Variants in PANX2 observed in about 807,000 individuals in gnomAD.
PANX2 encodes pannexin-2.
Under a neutral mutation model 38.7 loss-of-function variants are expected in PANX2, and 30 were observed. The observed-to-expected ratio is 0.78, with a 90% CI of 0.58 to 1.05. The LOEUF (loss-of-function observed/expected upper bound fraction) is 1.05. Among genes scored for constraint, PANX2 ranks in the 50% least tolerant of loss-of-function variants. The probability of loss-of-function intolerance (pLI) is 0.00; values close to 1 mark genes in which losing one functional copy is unlikely to be tolerated. For missense variants in PANX2, 880 were observed against 979.3 expected, an observed-to-expected ratio of 0.90 and a Z score of 1.35; for synonymous variants, 539 against 472.1, an observed-to-expected ratio of 1.14 and a Z score of -1.84.
At chr22:50,173,684 G>C (rs1038232049) in intron 1 of PANX2, among the ~76,000 whole-genome samples, 2 of 152,236 alleles carry the variant, frequency 1.3e-5, no homozygotes. Context: ...AGCCAGATGC[G>C]AGTCTCATGG....
Position 50,170,787 on chromosome 22 carries a change from G to C in PANX2, c.57G>C (p.Glu19Asp), listed in dbSNP as rs775720109. 1.4e-6 allele frequency: 2 copies of C among 1,416,002 alleles called. No individual in the cohort carries two copies. The highest frequency in any genetic ancestry group is 1.5e-5 in the South Asian group (1 of 68,822). 87.7% of individuals were successfully genotyped at this position (1,416,002 alleles called of 1,614,324 possible). A position where few individuals can be genotyped will look rare whatever the true frequency, so the allele number is the denominator to read the frequency against. ...ADMATALLAG[E>D]KLRELILPGA... ...TGGCGACCGCGCTGCTGGCGGGAGA[G>C]AAGCTGCGGGAGCTGATCCTGCCGG... The change falls in exon 1 of 3, where the codon GAG (glutamate) becomes GAC (aspartate). Residue 19 changes from glutamate (E) to aspartate (D), a missense_variant. Physicochemically the swap from Glu to Asp is conservative, Grantham distance 45. This residue lies in a region of PANX2 where 243 missense variants were observed against 333.1 expected (regional missense o/e 0.73). Coordinates refer to ENST00000395842, the MANE Select transcript of PANX2 (RefSeq NM_052839.4).
chr22:50,179,459 C>G lies in PANX2; in HGVS notation c.*182C>G. The G allele has an allele frequency of 1.7e-6, 1 of 596,488 alleles. No homozygotes were observed. Among genetic ancestry groups the G allele is most frequent in the South Asian group, 2.1e-5 (1 of 48,274 alleles). 36.9% of individuals were successfully genotyped at this position (596,488 alleles called of 1,614,324 possible). On this transcript the variant is annotated 3_prime_UTR_variant, in exon 3 of 3. Transcript: ENST00000395842. ...CCACGTGCTCGACAGGGGAACCCGC[C>G]CGGACGGCATCGCCAGGCACTGGCT...
In PANX2 at chr22:50,178,924, C is replaced by A; in HGVS notation, c.1691-10C>A. On this transcript the variant is annotated splice_polypyrimidine_tract_variant and intron_variant, in intron 2 of 2. Coordinates refer to ENST00000395842, the MANE Select transcript of PANX2 (RefSeq NM_052839.4). ...TGGTGTGAGATGTCTGTGCTCTTGGCTGTTTGCAGATGCTCCGCTCCCCGA... is the reference window on the plus strand; with the variant it reads ...TGGTGTGAGATGTCTGTGCTCTTGGATGTTTGCAGATGCTCCGCTCCCCGA... 1 of 1,555,534 alleles carries A rather than the reference C, an allele frequency of 6.4e-7. No individual in the cohort carries two copies. The highest frequency in any genetic ancestry group is 8.7e-7 in the Non-Finnish European group (1 of 1,149,172).
At chr22:50,171,560 C>T (rs919035115) in intron 1 of PANX2, among the ~76,000 whole-genome samples, 1 of 152,014 alleles carries the variant, frequency 6.6e-6, no homozygotes, top group Non-Finnish European at 1.5e-5. Context: ...GGAGCTCCTG[C>T]AGGGAGATGG....
Position 50,176,917 on chromosome 22 carries a change from C to A in PANX2, c.227-22C>A, listed in dbSNP as rs780499384. On this transcript the variant is annotated intron_variant, in intron 1 of 2. Transcript: ENST00000395842. Reference sequence around the variant, plus strand: ...GCCCGTGCGCCTCCCCGCCCCAGCCCGTGTCTCCTCTTTGCCCCCAGAGGA... The same window carrying A: ...GCCCGTGCGCCTCCCCGCCCCAGCCAGTGTCTCCTCTTTGCCCCCAGAGGA... 8.6e-6 allele frequency: 13 copies of A among 1,506,898 alleles called. 1 individual carries two copies. In the South Asian group the frequency reaches 1.7e-4, roughly 20 times the overall value. The allele number at this position is 1,506,898 out of a possible 1,614,324, so 93.3% of individuals were successfully genotyped here. A position where few individuals can be genotyped will look rare whatever the true frequency, so the allele number is the denominator to read the frequency against.
intron 1 of PANX2, among the ~76,000 whole-genome samples, chr22:50,173,823 C>T (rs2063648122): frequency 6.6e-6 from 1 of 152,196 alleles, no homozygotes; most frequent in Non-Finnish European, 1.5e-5. Context: ...GGCTGCGTGG[C>T]GTTCTCTCTC....
intron 1 of PANX2, among the ~76,000 whole-genome samples, chr22:50,172,125 C>G (rs112912786): frequency 9.9e-5 from 15 of 152,196 alleles, no homozygotes; most frequent in Non-Finnish European, 2.2e-4. Context: ...CCCAGGCGTG[C>G]GGTGGGGCCT....
Position 50,178,524 on chromosome 22 carries a change from C to T in PANX2, c.1690+122C>T, listed in dbSNP as rs985426552. On this transcript the variant is annotated intron_variant, in intron 2 of 2. Transcript: ENST00000395842. ...AAGGGAGGGGGCCTGGCTTGAGGCC[C>T]CCTCAAAGGGGGAAGGGAGGAGGCC... 3 of 628,082 alleles carry T rather than the reference C, an allele frequency of 4.8e-6. No homozygotes were observed. In the African/African-American group the frequency reaches 5.9e-5, roughly 12 times the overall value. 38.9% of individuals were successfully genotyped at this position (628,082 alleles called of 1,614,324 possible). A position where few individuals can be genotyped will look rare whatever the true frequency, so the allele number is the denominator to read the frequency against.
Position 50,178,999 on chromosome 22 carries a change from G to A in PANX2, c.1756G>A (p.Gly586Arg), listed in dbSNP as rs1424638627. The change falls in exon 3 of 3, where the codon GGG becomes AGG. Residue 586 changes from glycine to arginine, a missense_variant. Transcript: ENST00000395842. ...TEPARAGLPS[G>R]GPFHVRSPPA... Reference sequence around the variant, plus strand: ...GCCAGCCCGGGCAGGGCTTCCCTCGGGGGGCCCGTTCCACGTCCGCTCACC... The same window carrying A: ...GCCAGCCCGGGCAGGGCTTCCCTCGAGGGGCCCGTTCCACGTCCGCTCACC... 2 of 1,609,428 alleles carry A rather than the reference G, an allele frequency of 1.2e-6. No homozygotes were observed. Among genetic ancestry groups the A allele is most frequent in the Non-Finnish European group, 1.7e-6 (2 of 1,178,074 alleles).
Position 50,177,864 on chromosome 22 carries a change from G to A in PANX2, c.1152G>A (p.Ala384=). 2 of 1,568,846 alleles carry A rather than the reference G, an allele frequency of 1.3e-6. No individual in the cohort carries two copies. Among genetic ancestry groups the A allele is most frequent in the South Asian group, 1.1e-5 (1 of 88,350 alleles). The change falls in exon 2 of 3, where the codon GCG becomes GCA. Residue 384 remains alanine (A), a synonymous_variant. Coordinates refer to ENST00000395842, the MANE Select transcript of PANX2 (RefSeq NM_052839.4). ...MYDNVVRQLL[A]ALAQSNHDAT... ...ACAACGTGGTCCGGCAGCTGCTGGC[G>A]GCGCTGGCGCAGTCCAACCACGACG...
chr22:50,174,797 C>G (rs1315832024), intron 1 of PANX2, among the ~76,000 whole-genome samples: 1 of 152,162 alleles, frequency 6.6e-6, no homozygotes, highest in Non-Finnish European at 1.5e-5. Context: ...AGCAGCCCCT[C>G]TCTGCTGCCC....
In PANX2 at chr22:50,177,198, C is replaced by G; in HGVS notation, c.486C>G (p.Asp162Glu). 6.2e-7 allele frequency: 1 copy of G among 1,610,700 alleles called. No individual in the cohort carries two copies. Among genetic ancestry groups the G allele is most frequent in the Non-Finnish European group, 8.5e-7 (1 of 1,179,010 alleles). The change falls in exon 2 of 3, where the codon GAC becomes GAG. Residue 162 changes from aspartate (D) to glutamate (E), a missense_variant. This residue lies in a region of PANX2 where 243 missense variants were observed against 333.1 expected (regional missense o/e 0.73). Coordinates refer to ENST00000395842, the MANE Select transcript of PANX2 (RefSeq NM_052839.4). The stretch of plus-strand genomic sequence containing the variant: ...TCAACTTCCTGCTGCAGGAGATCGA[C>G]AACTGTTACCACCGGGCGGCCGAGG... ...SELNFLLQEI[D>E]NCYHRAAEGR...
intron 2 of PANX2, 27 bp downstream of exon 2, chr22:50,178,429 CG>C: frequency 9.2e-7 from 1 of 1,087,176 alleles, no homozygotes; most frequent in Non-Finnish European, 1.2e-6. Flanking sequence ...AGAGAGGGGA[CG>C]GGGGACTGGG....
At chr22:50,175,621 C>T in intron 1 of PANX2, 2 of 358,014 alleles carry the variant, frequency 5.6e-6, no homozygotes, top group South Asian at 4.5e-5. Flanking sequence ...CTTTTCCTGC[C>T]TCTTCCCAGG....
At chr22:50,170,993 G>T (rs2063626641) in intron 1 of PANX2, 37 bp downstream of exon 1, 25 of 1,226,138 alleles carry the variant, frequency 2.0e-5, no homozygotes, top group Non-Finnish European at 2.8e-5. Context: ...CGCGGGCAGA[G>T]GGGGCGTCCG....
intron 1 of PANX2, among the ~76,000 whole-genome samples, chr22:50,176,330 C>G (rs993205291): frequency 6.6e-6 from 1 of 152,272 alleles, no homozygotes; most frequent in Non-Finnish European, 1.5e-5. Flanking sequence ...CAGCTGGTGA[C>G]ATCCCCAACC....
At chr22:50,176,094 C>T (rs1007149554) in intron 1 of PANX2, among the ~76,000 whole-genome samples, 1 of 152,178 alleles carries the variant, frequency 6.6e-6, no homozygotes, top group Admixed American at 6.5e-5. Context: ...TGGCTGGAGG[C>T]CCCCAGGCTC....
At position 50,177,442 on chromosome 22, in the gene PANX2, T is replaced by C. The variant is rs762227311; in HGVS notation, c.730T>C (p.Tyr244His). 1.2e-6 allele frequency: 2 copies of C among 1,608,746 alleles called. No homozygotes were observed. Among genetic ancestry groups the C allele is most frequent in the Admixed American group, 3.4e-5 (2 of 59,346 alleles). ...ILLLSAVPIS[Y>H]LCTYYATQKQ... Reference sequence around the variant, plus strand: ...GCTGCTGAGCGCCGTGCCCATCTCCTACCTGTGCACCTACTACGCCACGCA... The same window carrying C: ...GCTGCTGAGCGCCGTGCCCATCTCCCACCTGTGCACCTACTACGCCACGCA... Residue 244 changes from tyrosine to histidine, a missense_variant, in exon 2 of 3, where the codon TAC (tyrosine) becomes CAC (histidine). Tyr to His is a moderately conservative substitution (Grantham distance 83, BLOSUM62 2). This residue lies in a region of PANX2 where 114 missense variants were observed against 108.8 expected (regional missense o/e 1.05). Coordinates refer to ENST00000395842, the MANE Select transcript of PANX2 (RefSeq NM_052839.4).
At chr22:50,176,464 A>C (rs913289191) in intron 1 of PANX2, among the ~76,000 whole-genome samples, 4 of 151,936 alleles carry the variant, frequency 2.6e-5, no homozygotes, top group African/African-American at 9.7e-5. Context: ...TGTGGAAACC[A>C]CCCTGCCAGC....
Sources: allele counts gnomAD v4.1 joint callset (sites outside exome capture counted in the v4.1 genomes callset), GRCh38; gene constraint gnomAD v4.1.1; regional missense constraint gnomAD v4.1.1; transcripts MANE v1.5; gene names NCBI Gene and HGNC (gene_info 2026-07-23, HGNC 2026-07-21).